SLC17A1: variants seen among roughly 807,000 people sequenced by gnomAD.
SLC17A1 encodes the protein sodium-dependent phosphate transport protein 1.
Under a neutral mutation model 53.5 loss-of-function variants are expected in SLC17A1, and 51 were observed. The observed-to-expected ratio is 0.95, with a 90% CI of 0.76 to 1.20. The LOEUF (loss-of-function observed/expected upper bound fraction) is 1.20, where lower values mean the gene tolerates loss of function less well. SLC17A1 is among the 50% of genes most tolerant of loss of function. The pLI is 0.00. For missense variants in SLC17A1, 538 were observed against 568.2 expected (o/e 0.95, Z 0.54); for synonymous variants, 179 against 198.8 (o/e 0.90, Z 0.84).
At position 25,819,142 on chromosome 6, in the gene SLC17A1, C is replaced by T; in HGVS notation, c.542G>A (p.Gly181Glu). 1.2e-6 allele frequency: 2 copies of T among 1,607,816 alleles called. No individual in the cohort carries two copies. Among genetic ancestry groups the T allele is most frequent in the Non-Finnish European group, 1.7e-6 (2 of 1,177,934 alleles). The stretch of plus-strand genomic sequence containing the variant: ...AGTCACAAGTAGGACAATAAAGGGT[C>T]CCAGCAAAAACCCTAATCAGTAGGT... ...TSMSTSGFLL[G>E]PFIVLLVTGV... Residue 181 changes from glycine (G) to glutamate (E), a missense_variant, in exon 6 of 13, where the codon GGA (glycine) becomes GAA (glutamate). Gly to Glu is a moderately conservative substitution (Grantham distance 98, BLOSUM62 -2). Coordinates refer to ENST00000244527, the MANE Select transcript of SLC17A1 (RefSeq NM_005074.5).
At chr6:25,831,291 G>A (rs919987280) in intron 1 of SLC17A1, among the ~76,000 whole-genome samples, 3 of 152,098 alleles carry the variant, frequency 2.0e-5, no homozygotes, top group Non-Finnish European at 4.4e-5. Context: ...TGCTGGTCAG[G>A]TTAGACCTCA....
At chr6:25,827,263 C>T (rs947335549) in intron 2 of SLC17A1, among the ~76,000 whole-genome samples, 9 of 151,996 alleles carry the variant, frequency 5.9e-5, no homozygotes, top group African/African-American at 2.2e-4. Context: ...AAGAGAAATA[C>T]AGGTATATGT....
At chr6:25,799,041 TTATACA>T in intron 11 of SLC17A1, 122 bp from the exon 12 acceptor site, 1 of 859,728 alleles carries the variant, frequency 1.2e-6, no homozygotes, top group Non-Finnish European at 1.7e-6. Flanking sequence ...AAAAACATAC[TTATACA>T]TAGCCGAAAA....
the SLC17A1 span, among the ~76,000 whole-genome samples, chr6:25,743,464 A>G: frequency 1.3e-5 from 2 of 152,206 alleles, no homozygotes; most frequent in Non-Finnish European, 2.9e-5. Flanking sequence ...AATTCAAAGC[A>G]TAGGAAAATA....
chr6:25,765,264 G>A, the SLC17A1 span, among the ~76,000 whole-genome samples: 1 of 152,242 alleles, frequency 6.6e-6, no homozygotes, highest in African/African-American at 2.4e-5. Context: ...CACATAATGA[G>A]TGCATGCCCT....
the SLC17A1 span, among the ~76,000 whole-genome samples, chr6:25,746,272 T>A: frequency 6.6e-6 from 1 of 152,312 alleles, no homozygotes; most frequent in Non-Finnish European, 1.5e-5. Flanking sequence ...GTTTTGATGA[T>A]CCTTCGGCAG....
At chr6:25,826,033 AT>A (rs1430660743) in intron 3 of SLC17A1, among the ~76,000 whole-genome samples, 1 of 151,670 alleles carries the variant, frequency 6.6e-6, no homozygotes, top group African/African-American at 2.4e-5. Context: ...TCTTGTTTTT[AT>A]TTTTTGCTGC....
the SLC17A1 span, among the ~76,000 whole-genome samples, chr6:25,754,983 A>G: frequency 6.6e-6 from 1 of 151,426 alleles, no homozygotes; most frequent in East Asian, 1.9e-4. Context: ...CAGGGAATTA[A>G]TTCAAGAGAA....
chr6:25,773,803 G>C, the SLC17A1 span: 1 of 847,710 alleles, frequency 1.2e-6, no homozygotes, highest in African/African-American at 1.7e-5. Flanking sequence ...CCTCCATATA[G>C]GAAATGCAAT....
At chr6:25,756,211 T>C in the SLC17A1 span, among the ~76,000 whole-genome samples, 2 of 152,078 alleles carry the variant, frequency 1.3e-5, no homozygotes, top group Non-Finnish European at 2.9e-5. Context: ...TTTGATCTCA[T>C]CTCCTACCAT....
At chr6:25,808,763 G>A (rs570023777) in intron 10 of SLC17A1, among the ~76,000 whole-genome samples, 1 of 152,038 alleles carries the variant, frequency 6.6e-6, no homozygotes, top group African/African-American at 2.4e-5. Context: ...AGATGTTGAT[G>A]AGGTTGCACA....
chr6:25,799,974 T>A (rs1017660945), intron 11 of SLC17A1, among the ~76,000 whole-genome samples: 4 of 152,178 alleles, frequency 2.6e-5, no homozygotes, highest in African/African-American at 9.7e-5. Context: ...GGAAGACTCC[T>A]CTTTATGGGA....
At chr6:25,736,517 T>C in the SLC17A1 span, among the ~76,000 whole-genome samples, 4 of 152,180 alleles carry the variant, frequency 2.6e-5, no homozygotes, top group Non-Finnish European at 5.9e-5. Context: ...CCTTTAATAC[T>C]GTAAAGCAAT....
At chr6:25,737,659 C>T in the SLC17A1 span, among the ~76,000 whole-genome samples, 1 of 151,764 alleles carries the variant, frequency 6.6e-6, no homozygotes, top group African/African-American at 2.4e-5. Context: ...CATATGGCAC[C>T]CAAATAACAT....
chr6:25,773,487 G>A, the SLC17A1 span: 5 of 1,613,374 alleles, frequency 3.1e-6, no homozygotes, highest in Non-Finnish European at 4.2e-6. Context: ...CTGACGGAGG[G>A]GACATTGATG....
chr6:25,792,447 C>T (rs1309345414), intron 12 of SLC17A1, among the ~76,000 whole-genome samples: 1 of 151,458 alleles, frequency 6.6e-6, no homozygotes, highest in Non-Finnish European at 1.5e-5. Flanking sequence ...ACAAGTCTTC[C>T]ACATATTTGG....
intron 3 of SLC17A1, among the ~76,000 whole-genome samples, chr6:25,820,356 T>TGAG (rs1764511132): frequency 6.6e-6 from 1 of 152,190 alleles, no homozygotes; most frequent in South Asian, 2.1e-4. Context: ...ATTCGCAAAA[T>TGAG]CACTTTTCCC....
At chr6:25,734,540 A>C in the SLC17A1 span, among the ~76,000 whole-genome samples, 1 of 152,218 alleles carries the variant, frequency 6.6e-6, no homozygotes, top group African/African-American at 2.4e-5. Context: ...GCATGCTACT[A>C]AGTGCAGCAC....
intron 10 of SLC17A1, among the ~76,000 whole-genome samples, chr6:25,811,013 T>G (rs534578344): frequency 6.6e-6 from 1 of 152,246 alleles, no homozygotes; most frequent in South Asian, 2.1e-4. Context: ...AGACAAACAC[T>G]GCATGATCTC....
Sources: gnomAD v4.1 joint callset for allele counts (sites outside exome capture counted in the v4.1 genomes callset) on GRCh38, gnomAD v4.1.1 for gene constraint, MANE v1.5 for transcripts, NCBI Gene and HGNC (gene_info 2026-07-23, HGNC 2026-07-21) for gene names.